Variants in SDK2 observed in about 807,000 individuals in gnomAD.
SDK2 encodes the protein protein sidekick-2.
SDK2 carries 105 observed loss-of-function variants against 253.9 expected under a neutral mutation model. That is an observed-to-expected ratio of 0.41 (90% confidence interval 0.35 to 0.49). The LOEUF is 0.49. Ranked by LOEUF, SDK2 falls within the 20% of genes least tolerant of loss-of-function variation. The pLI is 0.06. For missense variants in SDK2, 2,608 were observed against 3,003.0 expected, an observed-to-expected ratio of 0.87 and a Z score of 3.07; for synonymous variants, 1,249 against 1,234.9, an observed-to-expected ratio of 1.01 and a Z score of -0.24.
At chr17:73,556,183 C>T (rs1262945380) in intron 1 of SDK2, among the ~76,000 whole-genome samples, 1 of 152,196 alleles carries the variant, frequency 6.6e-6, no homozygotes, top group Non-Finnish European at 1.5e-5. Flanking sequence ...GGAGGCACAG[C>T]CACTGAGGCA....
In SDK2 at chr17:73,338,384, T is replaced by C. The variant is rs2062399559; in HGVS notation, c.*203A>G. On this transcript the variant is annotated 3_prime_UTR_variant, in exon 45 of 45. Coordinates refer to ENST00000392650, the MANE Select transcript of SDK2 (RefSeq NM_001144952.2). This position sits in a 1 kb window ranked among gnomAD's most constrained non-coding sequence, Gnocchi z 5.0. ...CCCCACCATCTCAAAGCTGAAGAGC[T>C]GCTGGCCACACACATCCTCTCACGG... The C allele has an allele frequency of 2.9e-6, 2 of 692,056 alleles. No homozygotes were observed. The highest frequency in any genetic ancestry group is 5.3e-6 in the Non-Finnish European group (2 of 378,360). 42.9% of individuals were successfully genotyped at this position (692,056 alleles called of 1,614,324 possible).
chr17:73,478,111 G>A (rs1404587806), intron 2 of SDK2, among the ~76,000 whole-genome samples: 1 of 152,136 alleles, frequency 6.6e-6, no homozygotes, highest in Non-Finnish European at 1.5e-5. Flanking sequence ...GGGAGGAAAC[G>A]ACTGTCATTA....
At chr17:73,598,920 T>C (rs1345964463) in intron 1 of SDK2, among the ~76,000 whole-genome samples, 7 of 152,272 alleles carry the variant, frequency 4.6e-5, no homozygotes, top group Non-Finnish European at 1.0e-4. Flanking sequence ...AAGCGCCGGC[T>C]TGCTTCGATT....
chr17:73,491,399 G>A (rs2063805512), intron 2 of SDK2, among the ~76,000 whole-genome samples: 1 of 149,618 alleles, frequency 6.7e-6, no homozygotes, highest in Non-Finnish European at 1.5e-5. Context: ...TTGAGACAGG[G>A]TCTTGCTCTG....
chr17:73,458,178 G>A (rs1275144411), intron 3 of SDK2, among the ~76,000 whole-genome samples: 2 of 152,118 alleles, frequency 1.3e-5, no homozygotes, highest in African/African-American at 2.4e-5. Flanking sequence ...GTCTTGTTAT[G>A]TTGCCTAGGC....
intron 2 of SDK2, among the ~76,000 whole-genome samples, chr17:73,473,472 T>C (rs1053412993): frequency 6.6e-6 from 1 of 152,124 alleles, no homozygotes; most frequent in African/African-American, 2.4e-5. Context: ...TATCCTAGGG[T>C]TTGCCCAGCA....
rs1293054082 is a variant in SDK2, at chr17:73,639,055, C to T, written c.64+4970G>A. ...GAACTCCTGACCTCAAGTGATCTGC[C>T]GGCCTCGGCCTCCCAAAGTGCTGGG... On this transcript the variant is annotated intron_variant, in intron 1 of 44. Transcript: ENST00000392650. This position sits in a 1 kb window ranked among gnomAD's most constrained non-coding sequence, Gnocchi z 4.3. Among the ~76,000 whole-genome samples, 1 of 152,124 alleles carries T rather than the reference C, an allele frequency of 6.6e-6. No individual in the cohort carries two copies. Among genetic ancestry groups the T allele is most frequent in the Non-Finnish European group, 1.5e-5 (1 of 68,008 alleles).
intron 4 of SDK2, among the ~76,000 whole-genome samples, chr17:73,449,602 C>CTTT (rs33923010): frequency 1.3e-4 from 12 of 94,334 alleles, no homozygotes; most frequent in East Asian, 5.2e-4. Flanking sequence ...CCCCCCACCT[C>CTTT]TTTTTTTTTT....
intron 37 of SDK2, 120 bp from the exon 38 acceptor site, chr17:73,365,515 G>C (rs2062677382): frequency 4.8e-6 from 5 of 1,050,686 alleles, no homozygotes; most frequent in Non-Finnish European, 6.5e-6. Context: ...AAGAGCGTGG[G>C]GCTCGGCAGA....
intron 4 of SDK2, among the ~76,000 whole-genome samples, chr17:73,448,343 C>T (rs540392085): frequency 6.6e-6 from 1 of 152,108 alleles, no homozygotes; most frequent in Non-Finnish European, 1.5e-5. Context: ...TGTCTCCCTT[C>T]AGTCCCCTTT....
intron 1 of SDK2, among the ~76,000 whole-genome samples, chr17:73,592,430 T>G (rs375234292): frequency 1.4e-4 from 22 of 152,286 alleles, no homozygotes; most frequent in Middle Eastern, 3.4e-3. Flanking sequence ...AGAGGGAGTG[T>G]GGGAGGGAAA....
At chr17:73,562,570 G>C (rs1254480030) in intron 1 of SDK2, among the ~76,000 whole-genome samples, 2 of 152,126 alleles carry the variant, frequency 1.3e-5, no homozygotes, top group Non-Finnish European at 2.9e-5. Context: ...GGAGAGGCGG[G>C]GAGAAGAAGG....
At chr17:73,565,348 C>G (rs535947027) in intron 1 of SDK2, among the ~76,000 whole-genome samples, 5 of 152,266 alleles carry the variant, frequency 3.3e-5, no homozygotes, top group Non-Finnish European at 7.3e-5. Context: ...TACTGTCAAC[C>G]ACAGGGGAGA....
intron 24 of SDK2, among the ~76,000 whole-genome samples, chr17:73,396,250 G>A (rs987221078): frequency 2.0e-5 from 3 of 151,396 alleles, no homozygotes; most frequent in African/African-American, 7.4e-5. Flanking sequence ...GGCTGATGGG[G>A]CTGTGGTCAC....
intron 2 of SDK2, among the ~76,000 whole-genome samples, chr17:73,502,514 A>T (rs2063898444): frequency 1.3e-5 from 2 of 152,224 alleles, no homozygotes; most frequent in South Asian, 4.1e-4. Context: ...AGCTTGAAGG[A>T]GCTCCACTGG....
chr17:73,444,302 T>C (rs1181675744), intron 5 of SDK2, among the ~76,000 whole-genome samples: 1 of 152,172 alleles, frequency 6.6e-6, no homozygotes, highest in South Asian at 2.1e-4. Flanking sequence ...GTTGAGTGGG[T>C]CTCAGAGAAG....
At chr17:73,402,300 G>C (rs1019083126) in intron 18 of SDK2, among the ~76,000 whole-genome samples, 159 bp from the exon 19 acceptor site, 1 of 152,332 alleles carries the variant, frequency 6.6e-6, no homozygotes, top group Middle Eastern at 3.4e-3. Flanking sequence ...GGGAACCTGC[G>C]GGGTACTGGG....
rs1003021335 is a variant in SDK2 at position 73,609,739 on chromosome 17, G to A, written c.64+34286C>T. Among the ~76,000 whole-genome samples the A allele has an allele frequency of 2.6e-5, 4 of 152,126 alleles. No homozygotes were observed. The highest frequency in any genetic ancestry group is 9.7e-5 in the African/African-American group (4 of 41,434). The stretch of plus-strand genomic sequence containing the variant: ...TCCAGGGTCTCTCCAAATCCCAAAG[G>A]AGCCAAAGCACAGGAGGGAGGGAGG... On this transcript the variant is annotated intron_variant, in intron 1 of 44. Transcript: ENST00000392650. The surrounding 1 kb of genome is among the most constrained non-coding windows in gnomAD (Gnocchi z 4.4).
chr17:73,363,759 G>A (rs1220711760), intron 38 of SDK2, among the ~76,000 whole-genome samples: 5 of 152,148 alleles, frequency 3.3e-5, no homozygotes, highest in African/African-American at 1.2e-4. Context: ...CAAGTTGAGA[G>A]GGTCCTGGAC....
Sources: gnomAD v4.1 joint callset for allele counts (sites outside exome capture counted in the v4.1 genomes callset) on GRCh38, gnomAD v4.1.1 for gene constraint, Gnocchi (gnomAD v3.1) non-coding constraint, MANE v1.5 for transcripts, NCBI Gene and HGNC (gene_info 2026-07-23, HGNC 2026-07-21) for gene names.